CHST9: variants seen among roughly 807,000 people sequenced by gnomAD.
The protein encoded by CHST9 is GalNAc-4-sulfotransferase 2.
A neutral mutation model predicts 44.4 loss-of-function variants in CHST9; 41 were observed. That is an observed-to-expected ratio of 0.92 (90% CI 0.72 to 1.20). CHST9 has a LOEUF of 1.20. Among genes scored for constraint, CHST9 ranks in the 50% most tolerant of loss-of-function variants. The pLI, the probability that CHST9 is intolerant of heterozygous loss-of-function variation, is 0.00. For synonymous variants in CHST9, 171 were observed against 178.4 expected (o/e 0.96, Z 0.33); for missense variants, 504 against 516.5 (o/e 0.98, Z 0.23).
chr18:26,961,555 A>G (rs1169161550), intron 4 of CHST9, among the ~76,000 whole-genome samples: 3 of 152,038 alleles, frequency 2.0e-5, no homozygotes, highest in Non-Finnish European at 4.4e-5. Context: ...TCAGCCTCCA[A>G]GTAGCTGGGA....
chr18:27,137,304 ATGTGTGTGTGTGTGTGTGTGTGTG>A (rs60705060), intron 2 of CHST9, among the ~76,000 whole-genome samples: 2,314 of 145,488 alleles, frequency 0.016, 87 homozygotes, highest in African/African-American at 0.055. Flanking sequence ...TTATTTATAT[ATGTGTGTGTGTGTGTGTGTGTGTG>A]TGTGTGTGTG....
At chr18:27,009,586 A>G (rs573957961) in intron 4 of CHST9, among the ~76,000 whole-genome samples, 67 of 152,326 alleles carry the variant, frequency 4.4e-4, no homozygotes, top group Middle Eastern at 6.8e-3. Flanking sequence ...AAGTAATGCC[A>G]GTAAGTATGG....
intron 1 of CHST9, among the ~76,000 whole-genome samples, chr18:27,170,357 T>C (rs2058825120): frequency 6.6e-6 from 1 of 152,180 alleles, no homozygotes; most frequent in East Asian, 1.9e-4. Flanking sequence ...CTGAATGACT[T>C]AATGGAGCAG....
At chr18:27,103,646 A>G (rs1374011561) in intron 2 of CHST9, among the ~76,000 whole-genome samples, 1 of 152,216 alleles carries the variant, frequency 6.6e-6, no homozygotes, top group African/African-American at 2.4e-5. Context: ...TTTACAATCA[A>G]TAAGGATTAT....
intron 1 of CHST9, among the ~76,000 whole-genome samples, chr18:27,184,608 G>A (rs1220253719): frequency 6.6e-6 from 1 of 152,024 alleles, no homozygotes; most frequent in Non-Finnish European, 1.5e-5. Flanking sequence ...GCCTGAGCCT[G>A]AGCCAGGTCG....
At chr18:27,171,501 A>G (rs2058833330) in intron 1 of CHST9, among the ~76,000 whole-genome samples, 1 of 152,198 alleles carries the variant, frequency 6.6e-6, no homozygotes, top group African/African-American at 2.4e-5. Flanking sequence ...CAAAATCTAA[A>G]ATGAGGAAAG....
intron 2 of CHST9, among the ~76,000 whole-genome samples, chr18:27,092,930 G>T (rs977446392): frequency 1.2e-4 from 18 of 152,274 alleles, no homozygotes; most frequent in East Asian, 9.6e-4. Flanking sequence ...TGTTGATTTG[G>T]GGTGGAGAGT....
chr18:27,072,936 G>T (rs1285861784), intron 2 of CHST9, among the ~76,000 whole-genome samples: 1 of 152,156 alleles, frequency 6.6e-6, no homozygotes, highest in Non-Finnish European at 1.5e-5. Flanking sequence ...CATTAGTTAT[G>T]AAGAGTCTCA....
intron 1 of CHST9, among the ~76,000 whole-genome samples, chr18:27,180,815 T>C (rs1343974373): frequency 6.6e-6 from 1 of 152,176 alleles, no homozygotes; most frequent in Non-Finnish European, 1.5e-5. Context: ...TCCTAAGACT[T>C]AGGCATTGAT....
At chr18:27,059,088 A>T (rs149313734) in intron 2 of CHST9, among the ~76,000 whole-genome samples, 201 of 152,324 alleles carry the variant, frequency 1.3e-3, no homozygotes, top group African/African-American at 4.6e-3. Flanking sequence ...ATGAAAAAAG[A>T]ATAAAGCCTG....
chr18:27,114,140 A>C (rs1196034315), intron 2 of CHST9, among the ~76,000 whole-genome samples: 1 of 152,204 alleles, frequency 6.6e-6, no homozygotes. Context: ...TTTGAAAATG[A>C]GTGAATTTTT....
chr18:27,174,730 C>T (rs754203219), intron 1 of CHST9, among the ~76,000 whole-genome samples: 1 of 151,980 alleles, frequency 6.6e-6, no homozygotes, highest in South Asian at 2.1e-4. Flanking sequence ...TTCTCTCCAC[C>T]CAATCTGTGC....
intron 3 of CHST9, 113 bp downstream of exon 3, chr18:27,048,352 A>G (rs2057528281): frequency 2.5e-6 from 2 of 814,906 alleles, no homozygotes; most frequent in South Asian, 3.4e-5. Context: ...GATCAGTTCA[A>G]AAACCATAAA....
At chr18:26,928,455 G>C (rs1167169700) in intron 5 of CHST9, 1 of 152,182 alleles carries the variant, frequency 6.6e-6, no homozygotes, top group Non-Finnish European at 1.5e-5. Flanking sequence ...TAGCTTTTGC[G>C]TCAGATTGCC....
intron 5 of CHST9, among the ~76,000 whole-genome samples, chr18:26,943,689 T>A (rs189820801): frequency 1.6e-4 from 25 of 152,290 alleles, no homozygotes; most frequent in Non-Finnish European, 2.8e-4. Flanking sequence ...GGGCAAGATA[T>A]GCTTTTGGGG....
chr18:26,966,050 T>A (rs1200944171), intron 4 of CHST9, among the ~76,000 whole-genome samples: 3 of 152,274 alleles, frequency 2.0e-5, no homozygotes, highest in Admixed American at 1.3e-4. Context: ...AGTTTATTCA[T>A]AATGCTGCTT....
intron 2 of CHST9, among the ~76,000 whole-genome samples, chr18:27,073,261 C>G (rs1312551512): frequency 6.6e-6 from 1 of 152,042 alleles, no homozygotes; most frequent in Non-Finnish European, 1.5e-5. Context: ...GACTGCTTAA[C>G]CTAATGTAGT....
chr18:27,045,928 G>A (rs1253718559), intron 3 of CHST9, among the ~76,000 whole-genome samples: 3 of 152,004 alleles, frequency 2.0e-5, no homozygotes, highest in Non-Finnish European at 4.4e-5. Flanking sequence ...AAACTCAGTC[G>A]AAACTAAATT....
intron 4 of CHST9, among the ~76,000 whole-genome samples, chr18:27,008,602 T>C (rs1387892501): frequency 2.0e-5 from 3 of 152,206 alleles, no homozygotes; most frequent in Non-Finnish European, 4.4e-5. Context: ...TTTCTTTAAG[T>C]TGACAATCCT....
Sources: gnomAD v4.1 joint callset for allele counts (sites outside exome capture counted in the v4.1 genomes callset) on GRCh38, gnomAD v4.1.1 for gene constraint, MANE v1.5 for transcripts, NCBI Gene and HGNC (gene_info 2026-07-23, HGNC 2026-07-21) for gene names.